The following CNNM2 variants were observed in gnomAD, a reference collection of about 807,000 sequenced individuals.
The protein encoded by CNNM2 is metal transporter CNNM2.
CNNM2 carries 12 observed loss-of-function variants against 66.9 expected under a neutral mutation model. That is an observed-to-expected ratio of 0.18 (90% CI 0.11 to 0.29). CNNM2 has a LOEUF of 0.29. Among genes scored for constraint, CNNM2 ranks in the 10% least tolerant of loss-of-function variants. The pLI is 1.00. For synonymous variants in CNNM2, 557 were observed against 501.8 expected (o/e 1.11, Z -1.47); for missense variants, 705 against 1,167.7 (o/e 0.60, Z 5.77).
At chr10:103,001,044 G>A (rs2064110774) in intron 1 of CNNM2, among the ~76,000 whole-genome samples, 1 of 152,144 alleles carries the variant, frequency 6.6e-6, no homozygotes, top group Non-Finnish European at 1.5e-5. Flanking sequence ...AACATGGATG[G>A]ACCTTGAAGA....
chr10:103,077,878 T>TGGGAATGTGATTTTGCTC lies in CNNM2; in HGVS notation c.*699_*716dup, dbSNP rs2065716544. ...CCCTCAGGAAGATTTAACATTTGCT[T>TGGGAATGTGATTTTGCTC]GGGAATGTGATTTTGCTCCCACCCT... On this transcript the variant is annotated 3_prime_UTR_variant, in exon 8 of 8. Coordinates refer to ENST00000369878, the MANE Select transcript of CNNM2 (RefSeq NM_017649.5). 1 of 152,660 alleles carries TGGGAATGTGATTTTGCTC rather than the reference T, an allele frequency of 6.6e-6. No individual in the cohort carries two copies. The highest frequency in any genetic ancestry group is 1.5e-5 in the Non-Finnish European group (1 of 68,040). The allele number at this position is 152,660 out of a possible 1,614,324, so 9.5% of individuals were successfully genotyped here. A position where few individuals can be genotyped will look rare whatever the true frequency, so the allele number is the denominator to read the frequency against.
rs909896864 is a variant in CNNM2, at chr10:103,085,468, C to T, written c.*8288C>T. ...ACGTGGAAGGACTATTGCTGCCTTT[C>T]GTGGGAAAAATGTGTGCTCAGCTGC... On this transcript the variant is annotated 3_prime_UTR_variant, in exon 8 of 8. Coordinates refer to ENST00000369878, the MANE Select transcript of CNNM2 (RefSeq NM_017649.5). 11 of 152,136 alleles carry T rather than the reference C, an allele frequency of 7.2e-5. No homozygotes were observed. Among genetic ancestry groups the T allele is most frequent in the East Asian group, 1.9e-4 (1 of 5,186 alleles). 9.4% of individuals were successfully genotyped at this position (152,136 alleles called of 1,614,324 possible).
chr10:102,919,883 A>G lies in CNNM2; in HGVS notation c.1403A>G (p.Asn468Ser), dbSNP rs1321369147. 8.1e-6 allele frequency: 13 copies of G among 1,614,114 alleles called. No homozygotes were observed. Among genetic ancestry groups the G allele is most frequent in the Admixed American group, 1.7e-5 (1 of 60,002 alleles). ...MITGEAILDFNTMSEIMESGY... is the reference protein window; with the variant it reads ...MITGEAILDFSTMSEIMESGY... ...ACCGGCGAAGCCATCCTGGACTTCAACACCATGTCTGAGATCATGGAGAGC... is the reference window on the plus strand; with the variant it reads ...ACCGGCGAAGCCATCCTGGACTTCAGCACCATGTCTGAGATCATGGAGAGC... Residue 468 changes from asparagine to serine, a missense_variant, in exon 1 of 8, where the codon AAC becomes AGC. Asn to Ser is a conservative substitution (Grantham distance 46). Around this residue, in one of 9 missense-constraint regions of CNNM2, gnomAD observed 171 missense variants for 304.8 expected, o/e 0.56. Coordinates refer to ENST00000369878, the MANE Select transcript of CNNM2 (RefSeq NM_017649.5).
At chr10:102,957,693 A>G (rs1002231820) in intron 1 of CNNM2, among the ~76,000 whole-genome samples, 17 of 152,182 alleles carry the variant, frequency 1.1e-4, no homozygotes, top group Non-Finnish European at 2.1e-4. Context: ...ATTAAGCCCT[A>G]ATAGGAGAGA....
intron 1 of CNNM2, among the ~76,000 whole-genome samples, chr10:102,930,635 C>T (rs1199914818): frequency 6.6e-6 from 1 of 152,162 alleles, no homozygotes. Context: ...GTTGTGCAGT[C>T]ATTACTACTG....
At chr10:102,939,892 C>T (rs200256895) in intron 1 of CNNM2, among the ~76,000 whole-genome samples, 6 of 151,666 alleles carry the variant, frequency 4.0e-5, no homozygotes, top group South Asian at 2.1e-4. Flanking sequence ...CGCTTGAATC[C>T]GGGAGGTGGA....
chr10:102,967,788 CA>C (rs1473529424), intron 1 of CNNM2, among the ~76,000 whole-genome samples: 1 of 152,192 alleles, frequency 6.6e-6, no homozygotes, highest in Non-Finnish European at 1.5e-5. Flanking sequence ...GCGGGCGGAT[CA>C]CCTGAGGTCA....
At chr10:102,929,288 G>A (rs1235348292) in intron 1 of CNNM2, among the ~76,000 whole-genome samples, 1 of 152,054 alleles carries the variant, frequency 6.6e-6, no homozygotes, top group Non-Finnish European at 1.5e-5. Flanking sequence ...TGGCTAGGCT[G>A]GGTGCAGTGG....
At chr10:102,955,729 C>T (rs1847009810) in intron 1 of CNNM2, among the ~76,000 whole-genome samples, 1 of 152,232 alleles carries the variant, frequency 6.6e-6, no homozygotes, top group African/African-American at 2.4e-5. Context: ...TGAACAGACA[C>T]TTCTCAAAAG....
At chr10:102,959,466 G>A (rs1318956559) in intron 1 of CNNM2, among the ~76,000 whole-genome samples, 4 of 152,234 alleles carry the variant, frequency 2.6e-5, no homozygotes, top group Non-Finnish European at 5.9e-5. Context: ...CAGTAAAAGT[G>A]TGAGCCTTGA....
chr10:102,937,037 G>A (rs892299686), intron 1 of CNNM2, among the ~76,000 whole-genome samples: 1 of 152,190 alleles, frequency 6.6e-6, no homozygotes, highest in African/African-American at 2.4e-5. Flanking sequence ...TGGGGTGAAA[G>A]ATGAGTAGTA....
At chr10:103,075,947 G>A (rs1225467718) in intron 6 of CNNM2, 139 bp from the exon 7 acceptor site, 5 of 759,264 alleles carry the variant, frequency 6.6e-6, no homozygotes, top group African/African-American at 1.8e-5. Context: ...ATACCCTCTG[G>A]CATACTGTGC....
intron 1 of CNNM2, among the ~76,000 whole-genome samples, chr10:102,927,850 C>T (rs943421496): frequency 1.3e-5 from 2 of 152,184 alleles, no homozygotes; most frequent in African/African-American, 4.8e-5. Flanking sequence ...GCCAAACCCT[C>T]TCCCTGTGTT....
intron 1 of CNNM2, among the ~76,000 whole-genome samples, chr10:103,027,705 A>G (rs1228045560): frequency 2.0e-5 from 3 of 152,190 alleles, no homozygotes; most frequent in South Asian, 4.1e-4. Flanking sequence ...TCCTGTTTCT[A>G]TAGATATTAA....
Position 103,056,859 on chromosome 10 carries a change from C to G in CNNM2, c.1968C>G (p.Pro656=). ...TCCTTCTAAGGCTGCTAAAGCACCC[C>G]AATGTCATCCAGGAACTGAAATATG... ...EKILLRLLKH[P]NVIQELKYDE... is the part of the protein sequence containing the mutation. The change falls in exon 4 of 8, where the codon CCC becomes CCG. Residue 656 remains proline, a synonymous_variant. Coordinates refer to ENST00000369878, the MANE Select transcript of CNNM2 (RefSeq NM_017649.5). 2 of 1,613,988 alleles carry G rather than the reference C, an allele frequency of 1.2e-6. No individual in the cohort carries two copies. Among genetic ancestry groups the G allele is most frequent in the South Asian group, 2.2e-5 (2 of 91,084 alleles).
intron 1 of CNNM2, among the ~76,000 whole-genome samples, chr10:103,002,712 C>T (rs543740331): frequency 6.6e-6 from 1 of 152,248 alleles, no homozygotes; most frequent in East Asian, 1.9e-4. Context: ...CTCCCAGCCT[C>T]AGGTGATCCA....
At chr10:102,943,469 A>G (rs1010435203) in intron 1 of CNNM2, among the ~76,000 whole-genome samples, 2 of 152,142 alleles carry the variant, frequency 1.3e-5, no homozygotes, top group African/African-American at 4.8e-5. Flanking sequence ...AAAATTACAT[A>G]CAAAACTGGT....
At chr10:102,960,616 A>G (rs1451307568) in intron 1 of CNNM2, among the ~76,000 whole-genome samples, 1 of 151,782 alleles carries the variant, frequency 6.6e-6, no homozygotes, top group Non-Finnish European at 1.5e-5. Flanking sequence ...ATTTTATTTT[A>G]TTACTTTACT....
Position 102,937,361 on chromosome 10 carries a change from G to A in CNNM2, c.1621+17260G>A, listed in dbSNP as rs117401513. ...AAGCCCAGCCTGGGCAAAATAGCGA[G>A]ACCCCATCTCAAAAAAAAAAAAATG... On this transcript the variant is annotated intron_variant, in intron 1 of 7. Coordinates refer to ENST00000369878, the MANE Select transcript of CNNM2 (RefSeq NM_017649.5). Among the ~76,000 whole-genome samples the A allele has an allele frequency of 3.4e-3, 490 of 144,916 alleles. 3 individuals carry two copies. Among genetic ancestry groups the A allele is most frequent in the Non-Finnish European group, 5.3e-3 (346 of 65,626 alleles).
Sources: allele counts gnomAD v4.1 joint callset (sites outside exome capture counted in the v4.1 genomes callset), GRCh38; gene constraint gnomAD v4.1.1; regional missense constraint gnomAD v4.1.1; transcripts MANE v1.5; gene names NCBI Gene and HGNC (gene_info 2026-07-23, HGNC 2026-07-21).